Variants in FAM184B observed in about 807,000 individuals in gnomAD.
FAM184B encodes family with sequence similarity 184 member B, also known as protein FAM184B.
In FAM184B, 111 loss-of-function variants were observed where a neutral mutation model predicts 135.9. The ratio of observed to expected loss-of-function variants is 0.82; its 90% CI spans 0.70 to 0.96. The LOEUF is 0.96. FAM184B is among the 40% of genes least tolerant of loss of function. The pLI, the probability that FAM184B is intolerant of heterozygous loss-of-function variation, is 0.00. For missense variants in FAM184B, 1,375 were observed against 1,323.9 expected (o/e 1.04, Z -0.60); for synonymous variants, 552 against 524.8 (o/e 1.05, Z -0.71).
At chr4:17,693,274 C>G in intron 6 of FAM184B, 28 bp downstream of exon 6, 2 of 1,521,990 alleles carry the variant, frequency 1.3e-6, no homozygotes, top group Non-Finnish European at 1.8e-6. Flanking sequence ...AAACAGCACC[C>G]CAAGGCTTGC....
chr4:17,681,339 T>G (rs919823938), intron 7 of FAM184B, among the ~76,000 whole-genome samples: 13 of 152,194 alleles, frequency 8.5e-5, no homozygotes, highest in African/African-American at 3.1e-4. Flanking sequence ...AAGGAGGTCT[T>G]GGGCAGAGCT....
intron 1 of FAM184B, among the ~76,000 whole-genome samples, chr4:17,763,658 A>AT (rs1252050163): frequency 3.9e-5 from 6 of 151,930 alleles, no homozygotes; most frequent in Non-Finnish European, 1.5e-5. Context: ...AAGCTGACCC[A>AT]TTTTTTCCAG....
At chr4:17,693,780 A>T (rs1448272943) in intron 5 of FAM184B, among the ~76,000 whole-genome samples, 1 of 152,202 alleles carries the variant, frequency 6.6e-6, no homozygotes, top group Non-Finnish European at 1.5e-5. Flanking sequence ...GAAAAGCAGT[A>T]CAAAATTTCT....
At chr4:17,747,020 G>T (rs889393243) in intron 1 of FAM184B, among the ~76,000 whole-genome samples, 4 of 143,968 alleles carry the variant, frequency 2.8e-5, no homozygotes, top group Non-Finnish European at 6.0e-5. Flanking sequence ...ACTCCAGCCT[G>T]AGTGACAGAA....
At chr4:17,718,679 T>A (rs999404271) in intron 1 of FAM184B, among the ~76,000 whole-genome samples, 1 of 152,236 alleles carries the variant, frequency 6.6e-6, no homozygotes, top group Admixed American at 6.5e-5. Context: ...CTTGCCCTCT[T>A]GTGCTTCTAC....
rs1342876451 is a variant in FAM184B at position 17,781,383 on chromosome 4, C to A, written c.-84G>T. The A allele has an allele frequency of 3.6e-6, 5 of 1,393,666 alleles. No individual in the cohort carries two copies. Among genetic ancestry groups the A allele is most frequent in the Non-Finnish European group, 4.7e-6 (5 of 1,068,668 alleles). The allele number at this position is 1,393,666 out of a possible 1,614,324, so 86.3% of individuals were successfully genotyped here. A position where few individuals can be genotyped will look rare whatever the true frequency, so the allele number is the denominator to read the frequency against. On this transcript the variant is annotated 5_prime_UTR_variant, in exon 1 of 18. Coordinates refer to ENST00000265018, the MANE Select transcript of FAM184B (RefSeq NM_015688.2). The surrounding 1 kb of genome is among the most constrained non-coding windows in gnomAD (Gnocchi z 6.5). ...GTGCGTGCGCGCGCGGGCGTGCGAG[C>A]GTGTGGGTTTCTCGGGAGAGGTGGC...
chr4:17,642,687 G>A (rs182734750), intron 12 of FAM184B, among the ~76,000 whole-genome samples: 1 of 152,234 alleles, frequency 6.6e-6, no homozygotes, highest in Non-Finnish European at 1.5e-5. Flanking sequence ...ACACTGAAGA[G>A]AATATGTGTC....
chr4:17,727,986 A>AT (rs1200215365), intron 1 of FAM184B, among the ~76,000 whole-genome samples: 1 of 152,062 alleles, frequency 6.6e-6, no homozygotes, highest in African/African-American at 2.4e-5. Flanking sequence ...TAAAAAAAAA[A>AT]TTACAATGAG....
At chr4:17,751,876 A>C (rs1479553032) in intron 1 of FAM184B, among the ~76,000 whole-genome samples, 1 of 92,198 alleles carries the variant, frequency 1.1e-5, no homozygotes, top group Admixed American at 1.3e-4. Context: ...CAAAAGAACC[A>C]GGCACGCAAG....
chr4:17,678,554 C>T (rs1716368145), intron 7 of FAM184B, among the ~76,000 whole-genome samples: 1 of 152,050 alleles, frequency 6.6e-6, no homozygotes, highest in African/African-American at 2.4e-5. Context: ...GAAACACATC[C>T]CATAGTCAGG....
At chr4:17,764,780 C>A (rs1230397162) in intron 1 of FAM184B, among the ~76,000 whole-genome samples, 1 of 152,140 alleles carries the variant, frequency 6.6e-6, no homozygotes, top group East Asian at 1.9e-4. Flanking sequence ...AATGCAAATT[C>A]TCGGCCAGGC....
chr4:17,745,715 T>C (rs952885783), intron 1 of FAM184B, among the ~76,000 whole-genome samples: 2 of 152,222 alleles, frequency 1.3e-5, no homozygotes, highest in Admixed American at 1.3e-4. Flanking sequence ...CTTCTTGGTT[T>C]CTGATTTTCA....
intron 1 of FAM184B, among the ~76,000 whole-genome samples, chr4:17,732,317 G>T (rs1290326102): frequency 1.3e-5 from 2 of 152,020 alleles, no homozygotes; most frequent in Admixed American, 1.3e-4. Context: ...CTAGCAGAAG[G>T]CAAGAAATAA....
intron 1 of FAM184B, among the ~76,000 whole-genome samples, chr4:17,746,731 CAAA>C (rs575639086): frequency 9.1e-6 from 1 of 110,348 alleles, no homozygotes. Context: ...GACACGGTCT[CAAA>C]AAAAAAAAAA....
At chr4:17,688,007 C>T (rs985439604) in intron 7 of FAM184B, among the ~76,000 whole-genome samples, 8 of 152,030 alleles carry the variant, frequency 5.3e-5, no homozygotes, top group Admixed American at 2.0e-4. Context: ...GGCAGGTTCA[C>T]GGACAAGGGC....
At chr4:17,758,644 T>C (rs1263252502) in intron 1 of FAM184B, among the ~76,000 whole-genome samples, 1 of 152,160 alleles carries the variant, frequency 6.6e-6, no homozygotes, top group Admixed American at 6.5e-5. Context: ...CAAGTGAGGG[T>C]GCTCCTACGG....
chr4:17,743,674 T>C (rs1718095349), intron 1 of FAM184B, among the ~76,000 whole-genome samples: 1 of 152,224 alleles, frequency 6.6e-6, no homozygotes, highest in Admixed American at 6.5e-5. Flanking sequence ...AGCAGATTCA[T>C]ACCCAAGAAA....
intron 1 of FAM184B, among the ~76,000 whole-genome samples, chr4:17,741,674 C>A (rs1010169960): frequency 6.6e-6 from 1 of 152,148 alleles, no homozygotes; most frequent in East Asian, 1.9e-4. Context: ...GCCTGGGCAA[C>A]AGAGCAAGAC....
chr4:17,683,854 T>C (rs1369334540), intron 7 of FAM184B, among the ~76,000 whole-genome samples: 1 of 151,906 alleles, frequency 6.6e-6, no homozygotes, highest in Non-Finnish European at 1.5e-5. Flanking sequence ...GGTGGGTGGA[T>C]GGTTTGAGCC....
Sources: allele counts gnomAD v4.1 joint callset (sites outside exome capture counted in the v4.1 genomes callset), GRCh38; gene constraint gnomAD v4.1.1; non-coding constraint Gnocchi (gnomAD v3.1); transcripts MANE v1.5; gene names NCBI Gene and HGNC (gene_info 2026-07-23, HGNC 2026-07-21).